The following CRTAM variants were observed in gnomAD, a reference collection of about 807,000 sequenced individuals.
CRTAM encodes cytotoxic and regulatory T-cell molecule.
Under a neutral mutation model 50.0 loss-of-function variants are expected in CRTAM, and 44 were observed. That is an observed-to-expected ratio of 0.88 (90% CI 0.69 to 1.13). The LOEUF (loss-of-function observed/expected upper bound fraction) is 1.13. CRTAM is among the 50% of genes most tolerant of loss of function. CRTAM has a pLI of 0.00. For synonymous variants in CRTAM, 159 were observed against 169.3 expected (o/e 0.94, Z 0.47); for missense variants, 448 against 457.5 (o/e 0.98, Z 0.19).
chr11:122,847,121 A>G (rs887056706), intron 1 of CRTAM, among the ~76,000 whole-genome samples: 6 of 152,204 alleles, frequency 3.9e-5, no homozygotes, highest in African/African-American at 1.2e-4. Context: ...AATTGCCTCA[A>G]TGACTCTATG....
intron 5 of CRTAM, among the ~76,000 whole-genome samples, chr11:122,860,412 A>G (rs1246515905): frequency 1.3e-5 from 2 of 152,194 alleles, no homozygotes; most frequent in Non-Finnish European, 2.9e-5. Context: ...GAGCTAGTGC[A>G]TACCATATTG....
At chr11:122,860,519 A>T (rs954966710) in intron 5 of CRTAM, among the ~76,000 whole-genome samples, 1 of 152,196 alleles carries the variant, frequency 6.6e-6, no homozygotes, top group Non-Finnish European at 1.5e-5. Flanking sequence ...TAAATGCAAT[A>T]GTTTGCTAGC....
intron 5 of CRTAM, among the ~76,000 whole-genome samples, chr11:122,858,713 G>A (rs1024598791): frequency 3.3e-5 from 5 of 151,924 alleles, no homozygotes; most frequent in Non-Finnish European, 5.9e-5. Flanking sequence ...ATTTTTTATA[G>A]AGACAGAATC....
In CRTAM at chr11:122,868,116, A is replaced by T; in HGVS notation, c.1051+17A>T. 6.7e-7 allele frequency: 1 copy of T among 1,484,832 alleles called. No homozygotes were observed. The highest frequency in any genetic ancestry group is 9.4e-7 in the Non-Finnish European group (1 of 1,064,900). 92.0% of individuals were successfully genotyped at this position (1,484,832 alleles called of 1,614,324 possible). A position where few individuals can be genotyped will look rare whatever the true frequency, so the allele number is the denominator to read the frequency against. The stretch of plus-strand genomic sequence containing the variant: ...ATGGCCAATGTAAGTCAACTGTATG[A>T]CCTGAGATCTGAACAATGAGGTTCA... On this transcript the variant is annotated intron_variant, in intron 9 of 9. Coordinates refer to ENST00000227348, the MANE Select transcript of CRTAM (RefSeq NM_019604.4).
intron 2 of CRTAM, among the ~76,000 whole-genome samples, chr11:122,851,386 T>C (rs1438446420): frequency 2.0e-5 from 3 of 152,230 alleles, no homozygotes; most frequent in Non-Finnish European, 4.4e-5. Context: ...TTAAAAGTTC[T>C]GAGAGAAAAA....
Position 122,855,867 on chromosome 11 carries a change from C to G in CRTAM, c.652+11C>G, listed in dbSNP as rs1862000032. 1 of 1,602,606 alleles carries G rather than the reference C, an allele frequency of 6.2e-7. No individual in the cohort carries two copies. Among genetic ancestry groups the G allele is most frequent in the Non-Finnish European group, 8.5e-7 (1 of 1,173,426 alleles). ...GGTTTGAAGATTTGGGTAAGAAGAACTAATGATTCTCTTGAATAATTTTTG... is the reference window on the plus strand; with the variant it reads ...GGTTTGAAGATTTGGGTAAGAAGAAGTAATGATTCTCTTGAATAATTTTTG... On this transcript the variant is annotated intron_variant, in intron 5 of 9. Transcript: ENST00000227348.
In CRTAM at chr11:122,855,800, G is replaced by T; in HGVS notation, c.596G>T (p.Arg199Leu). 3 of 1,614,112 alleles carry T rather than the reference G, an allele frequency of 1.9e-6. No individual in the cohort carries two copies. Among genetic ancestry groups the T allele is most frequent in the Non-Finnish European group, 2.5e-6 (3 of 1,179,962 alleles). The change falls in exon 5 of 10, where the codon CGA (arginine) becomes CTA (leucine). Residue 199 changes from arginine to leucine, a missense_variant. By Grantham distance (102) the Arg-to-Leu change is moderately radical. Coordinates refer to ENST00000227348, the MANE Select transcript of CRTAM (RefSeq NM_019604.4). ...GKNSTVDCII[R>L]HRGLQGRKLV... ...AATTCAACGGTGGACTGCATTATCC[G>T]ACACAGAGGCCTGCAAGGGAGAAAA...
In CRTAM at chr11:122,871,529, C is replaced by G; in HGVS notation, c.*130C>G. The G allele has an allele frequency of 1.5e-6, 1 of 674,642 alleles. No individual in the cohort carries two copies. The highest frequency in any genetic ancestry group is 2.3e-6 in the Non-Finnish European group (1 of 429,084). 41.8% of individuals were successfully genotyped at this position (674,642 alleles called of 1,614,324 possible). A position where few individuals can be genotyped will look rare whatever the true frequency, so the allele number is the denominator to read the frequency against. On this transcript the variant is annotated 3_prime_UTR_variant, in exon 10 of 10. Coordinates refer to ENST00000227348, the MANE Select transcript of CRTAM (RefSeq NM_019604.4). ...TTAGTGCAATGCAAGATGGTGTCCT[C>G]GGATAATGATCTGCCCCGGAGCTAG...
intron 2 of CRTAM, among the ~76,000 whole-genome samples, chr11:122,850,488 C>T (rs1861916918): frequency 6.6e-6 from 1 of 152,198 alleles, no homozygotes; most frequent in Admixed American, 6.5e-5. Context: ...CCCACACTCA[C>T]ACCACTTTTT....
chr11:122,863,952 A>AG (rs1565292963), intron 6 of CRTAM, among the ~76,000 whole-genome samples: 1 of 152,218 alleles, frequency 6.6e-6, no homozygotes, highest in African/African-American at 2.4e-5. Context: ...AACTGCAGAG[A>AG]GAAAAAAGGA....
intron 4 of CRTAM, among the ~76,000 whole-genome samples, 194 bp from the exon 5 acceptor site, chr11:122,855,501 A>G (rs537340828): frequency 6.6e-6 from 1 of 152,320 alleles, no homozygotes; most frequent in Non-Finnish European, 1.5e-5. Flanking sequence ...AAAAGTTTGT[A>G]GAAAACCATC....
chr11:122,869,758 T>C (rs541164434), intron 9 of CRTAM, among the ~76,000 whole-genome samples: 6 of 152,332 alleles, frequency 3.9e-5, no homozygotes, highest in Admixed American at 3.3e-4. Context: ...GGTTTTGACC[T>C]ACTAGAGCGT....
In CRTAM at chr11:122,855,833, CA is replaced by C. The variant is rs1188553289; in HGVS notation, c.630del (p.Phe212SerfsTer36). On this transcript the variant is annotated frameshift_variant, in exon 5 of 10. Coordinates refer to ENST00000227348, the MANE Select transcript of CRTAM (RefSeq NM_019604.4). LOFTEE classifies it high-confidence loss of function. ...HRGLQGRKLV[A>X]PFRFEDLVTD... is the part of the protein sequence containing the mutation. Reference sequence around the variant, plus strand: ...GGCCTGCAAGGGAGAAAACTAGTAGCACCCTTCCGGTTTGAAGATTTGGGTA... The same window carrying C: ...GGCCTGCAAGGGAGAAAACTAGTAGCCCCTTCCGGTTTGAAGATTTGGGTA... 1 of 1,613,420 alleles carries C rather than the reference CA, an allele frequency of 6.2e-7. No homozygotes were observed. The highest frequency in any genetic ancestry group is 1.7e-5 in the Admixed American group (1 of 59,904).
chr11:122,864,071 G>A (rs976695665), intron 6 of CRTAM, among the ~76,000 whole-genome samples: 1 of 152,066 alleles, frequency 6.6e-6, no homozygotes, highest in African/African-American at 2.4e-5. Flanking sequence ...ACTTCTAATG[G>A]GGAGGCAAGC....
chr11:122,871,612 CAA>C lies in CRTAM; in HGVS notation c.*219_*220del, dbSNP rs1862255105. 1 of 356,056 alleles carries C rather than the reference CAA, an allele frequency of 2.8e-6. No individual in the cohort carries two copies. Among genetic ancestry groups the C allele is most frequent in the South Asian group, 8.0e-5 (1 of 12,480 alleles). 22.1% of individuals were successfully genotyped at this position (356,056 alleles called of 1,614,324 possible). A position where few individuals can be genotyped will look rare whatever the true frequency, so the allele number is the denominator to read the frequency against. On this transcript the variant is annotated 3_prime_UTR_variant, in exon 10 of 10. Coordinates refer to ENST00000227348, the MANE Select transcript of CRTAM (RefSeq NM_019604.4). The stretch of plus-strand genomic sequence containing the variant: ...AAGCTTGTAGTTTAAAAAAGAAAAG[CAA>C]AAAAATAATTATGCCTGACACTACT...
At chr11:122,856,091 T>C (rs1386886658) in intron 5 of CRTAM, among the ~76,000 whole-genome samples, 1 of 152,214 alleles carries the variant, frequency 6.6e-6, no homozygotes, top group Admixed American at 6.6e-5. Flanking sequence ...CAGCGCCATA[T>C]GCAAATAGTG....
intron 1 of CRTAM, among the ~76,000 whole-genome samples, chr11:122,840,437 G>A (rs1216396344): frequency 6.6e-6 from 1 of 152,006 alleles, no homozygotes; most frequent in Non-Finnish European, 1.5e-5. Flanking sequence ...GTGTGTGTGT[G>A]TGTACTAGTT....
At position 122,871,463 on chromosome 11, in the gene CRTAM, G is replaced by A; in HGVS notation, c.*64G>A. On this transcript the variant is annotated 3_prime_UTR_variant, in exon 10 of 10. Coordinates refer to ENST00000227348, the MANE Select transcript of CRTAM (RefSeq NM_019604.4). ...CAGTGTCACCTCAGTGGACCAGCCT[G>A]GGGGAAGGAGCTTAATTGCTGAGAC... 6.9e-7 allele frequency: 1 copy of A among 1,452,198 alleles called. No individual in the cohort carries two copies. Among genetic ancestry groups the A allele is most frequent in the South Asian group, 1.3e-5 (1 of 75,106 alleles). 90.0% of individuals were successfully genotyped at this position (1,452,198 alleles called of 1,614,324 possible).
chr11:122,840,787 C>A (rs374462785), intron 1 of CRTAM, among the ~76,000 whole-genome samples: 52 of 152,010 alleles, frequency 3.4e-4, no homozygotes, highest in Middle Eastern at 3.4e-3. Context: ...ACTTCTATGG[C>A]TGCCAAAAAT....
Sources: allele counts gnomAD v4.1 joint callset (sites outside exome capture counted in the v4.1 genomes callset), GRCh38; gene constraint gnomAD v4.1.1; transcripts MANE v1.5; gene names NCBI Gene and HGNC (gene_info 2026-07-23, HGNC 2026-07-21).